The following KMT2C variants were observed in gnomAD, a reference collection of about 807,000 sequenced individuals.
KMT2C encodes the protein histone-lysine N-methyltransferase 2C.
KMT2C carries 88 observed loss-of-function variants against 507.9 expected under a neutral mutation model. The ratio of observed to expected loss-of-function variants is 0.17; its 90% confidence interval spans 0.15 to 0.21. The LOEUF (loss-of-function observed/expected upper bound fraction) is 0.21, where lower values mean the gene tolerates loss of function less well. Ranked by LOEUF, KMT2C falls within the 10% of genes least tolerant of loss-of-function variation. The pLI is 1.00. For synonymous variants in KMT2C, 2,049 were observed against 2,080.8 expected (o/e 0.98, Z 0.42); for missense variants, 4,954 against 5,957.8 (o/e 0.83, Z 5.55).
At chr7:152,240,780 T>C (rs1318568796) in intron 14 of KMT2C, among the ~76,000 whole-genome samples, 6 of 152,182 alleles carry the variant, frequency 3.9e-5, no homozygotes, top group Non-Finnish European at 7.3e-5. Context: ...TCTTCAAGTT[T>C]TGTCTCCAAT....
chr7:152,155,907 T>C lies in KMT2C; in HGVS notation c.11960+3A>G. On this transcript the variant is annotated splice_donor_region_variant and intron_variant, in intron 46 of 58. Transcript: ENST00000262189. Reference sequence around the variant, plus strand: ...AATTATTTGAGAAAAAAATAACCTGTACCTTAATTCTTCCTGATTGTTATG... The same window carrying C: ...AATTATTTGAGAAAAAAATAACCTGCACCTTAATTCTTCCTGATTGTTATG... The C allele has an allele frequency of 1.3e-6, 2 of 1,591,572 alleles. No individual in the cohort carries two copies. Among genetic ancestry groups the C allele is most frequent in the Non-Finnish European group, 1.7e-6 (2 of 1,175,042 alleles).
intron 43 of KMT2C, among the ~76,000 whole-genome samples, chr7:152,160,226 C>T (rs541141802): frequency 1.3e-5 from 2 of 152,224 alleles, no homozygotes; most frequent in South Asian, 4.2e-4. Context: ...GAGGCGAAAG[C>T]AGGCTTAGAC....
intron 7 of KMT2C, among the ~76,000 whole-genome samples, chr7:152,268,525 C>T (rs184172579): frequency 6.6e-6 from 1 of 151,744 alleles, no homozygotes; most frequent in Non-Finnish European, 1.5e-5. Context: ...CTGCTAAAAT[C>T]ACTTTTAAAT....
intron 14 of KMT2C, 70 bp downstream of exon 14, chr7:152,247,832 C>T (rs1475221444): frequency 2.5e-5 from 31 of 1,244,376 alleles, no homozygotes; most frequent in Admixed American, 7.3e-5. Flanking sequence ...ACCAAAGCTA[C>T]ACATATACCT....
intron 3 of KMT2C, among the ~76,000 whole-genome samples, chr7:152,322,923 A>T (rs1366513827): frequency 2.0e-5 from 3 of 152,090 alleles, no homozygotes; most frequent in Admixed American, 2.0e-4. Context: ...AATGTTCAGC[A>T]TCACTACTCA....
intron 1 of KMT2C, among the ~76,000 whole-genome samples, chr7:152,428,229 G>C (rs1483482658): frequency 6.6e-6 from 1 of 152,064 alleles, no homozygotes. Context: ...TCCCCTGGTG[G>C]TCCGCAGATT....
At chr7:152,182,901 T>A in intron 35 of KMT2C, 73 bp downstream of exon 35, 2 of 1,086,544 alleles carry the variant, frequency 1.8e-6, no homozygotes, top group Non-Finnish European at 2.6e-6. Context: ...TATTCTAAAA[T>A]AATAATGCAA....
chr7:152,194,929 C>CAAAT (rs2093919399), intron 28 of KMT2C, among the ~76,000 whole-genome samples: 1 of 150,780 alleles, frequency 6.6e-6, no homozygotes, highest in South Asian at 2.1e-4. Flanking sequence ...ATAGTGTTAT[C>CAAAT]AAATGTACAG....
intron 55 of KMT2C, among the ~76,000 whole-genome samples, chr7:152,139,996 C>G (rs2090348028): frequency 6.6e-6 from 1 of 152,136 alleles, no homozygotes; most frequent in Non-Finnish European, 1.5e-5. Context: ...CTAGCTTATT[C>G]CTACATCTTT....
At chr7:152,349,212 G>A (rs932146960) in intron 2 of KMT2C, among the ~76,000 whole-genome samples, 4 of 152,174 alleles carry the variant, frequency 2.6e-5, no homozygotes, top group African/African-American at 9.7e-5. Flanking sequence ...TTGGGAGGCT[G>A]AGGCGGGTGG....
chr7:152,370,107 T>C (rs1370350991), intron 1 of KMT2C, among the ~76,000 whole-genome samples: 1 of 151,320 alleles, frequency 6.6e-6, no homozygotes, highest in East Asian at 1.9e-4. Context: ...GGCAGGAGAA[T>C]GGCGTGAACC....
At chr7:152,283,172 T>C (rs201319814) in intron 6 of KMT2C, among the ~76,000 whole-genome samples, 115 of 147,204 alleles carry the variant, frequency 7.8e-4, no homozygotes, top group Non-Finnish European at 9.3e-4. Context: ...ACCCCCATTT[T>C]TTTGGTTATT....
intron 1 of KMT2C, among the ~76,000 whole-genome samples, chr7:152,363,849 TGAACAA>T (rs2097215614): frequency 6.6e-6 from 1 of 152,174 alleles, no homozygotes; most frequent in African/African-American, 2.4e-5. Flanking sequence ...CCCAGAAGAC[TGAACAA>T]GAACAACTTC....
intron 1 of KMT2C, among the ~76,000 whole-genome samples, chr7:152,391,244 TG>T (rs2097494702): frequency 6.6e-6 from 1 of 151,282 alleles, no homozygotes; most frequent in Non-Finnish European, 1.5e-5. Flanking sequence ...GTTTTTTGTT[TG>T]TTTTTTTGTT....
intron 27 of KMT2C, among the ~76,000 whole-genome samples, chr7:152,198,941 A>G (rs2094047159): frequency 6.6e-6 from 1 of 152,066 alleles, no homozygotes; most frequent in South Asian, 2.1e-4. Flanking sequence ...TTTGAATTTA[A>G]GCTGTATGAT....
chr7:152,362,045 C>T (rs957607046), intron 1 of KMT2C, among the ~76,000 whole-genome samples: 2 of 152,158 alleles, frequency 1.3e-5, no homozygotes, highest in African/African-American at 4.8e-5. Flanking sequence ...AAAATCCCTC[C>T]TGTCACAAAA....
chr7:152,202,954 T>C lies in KMT2C; in HGVS notation c.4072A>G (p.Thr1358Ala), dbSNP rs200391217. The C allele has an allele frequency of 1.7e-5, 28 of 1,603,802 alleles. No individual in the cohort carries two copies. The highest frequency in any genetic ancestry group is 1.7e-4 in the Middle Eastern group (1 of 6,008). Reference sequence around the variant, plus strand: ...ATTACTTGTAAATAGGCAGGGAAAGTTTCTTCAAGCTTATTTTTCCTTTTT... The same window carrying C: ...ATTACTTGTAAATAGGCAGGGAAAGCTTCTTCAAGCTTATTTTTCCTTTTT... ...YRKRKNKLEE[T>A]FPAYLQEAFF... The change falls in exon 26 of 59, where the codon ACT becomes GCT. Residue 1358 changes from threonine (T) to alanine (A), a missense_variant. By Grantham distance (58) the Thr-to-Ala change is moderately conservative. Coordinates refer to ENST00000262189, the MANE Select transcript of KMT2C (RefSeq NM_170606.3).
chr7:152,379,423 A>G (rs537000509), intron 1 of KMT2C, among the ~76,000 whole-genome samples: 9 of 152,270 alleles, frequency 5.9e-5, no homozygotes, highest in Admixed American at 2.6e-4. Context: ...CTGTAATCCC[A>G]GCTACTCAGG....
intron 52 of KMT2C, 52 bp downstream of exon 52, chr7:152,147,981 G>C: frequency 6.7e-7 from 1 of 1,481,776 alleles, no homozygotes; most frequent in Non-Finnish European, 9.0e-7. Flanking sequence ...ACATTCATTA[G>C]CCTGACATCA....
Sources: allele counts gnomAD v4.1 joint callset (sites outside exome capture counted in the v4.1 genomes callset), GRCh38; gene constraint gnomAD v4.1.1; transcripts MANE v1.5; gene names NCBI Gene and HGNC (gene_info 2026-07-23, HGNC 2026-07-21).